MALRD1: variants seen among roughly 807,000 people sequenced by gnomAD.
MALRD1 encodes MAM and LDL receptor class A domain containing 1, also known as MAM and LDL-receptor class A domain-containing protein 1.
A neutral mutation model predicts 242.1 loss-of-function variants in MALRD1; 247 were observed. The ratio of observed to expected loss-of-function variants is 1.02; its 90% CI spans 0.92 to 1.13. The LOEUF (loss-of-function observed/expected upper bound fraction) is 1.13, where lower values mean the gene tolerates loss of function less well. MALRD1 is among the 50% of genes most tolerant of loss of function. The probability of loss-of-function intolerance (pLI) is 0.00; values close to 1 mark genes in which losing one functional copy is unlikely to be tolerated. For synonymous variants in MALRD1, 995 were observed against 866.6 expected, an observed-to-expected ratio of 1.15 and a Z score of -2.60; for missense variants, 2,989 against 2,533.1, an observed-to-expected ratio of 1.18 and a Z score of -3.86.
At chr10:19,408,670 G>T (rs996023141) in intron 28 of MALRD1, among the ~76,000 whole-genome samples, 1 of 152,092 alleles carries the variant, frequency 6.6e-6, no homozygotes, top group Non-Finnish European at 1.5e-5. Context: ...ACATGAAAAG[G>T]TTTTCAACAT....
chr10:19,544,074 T>C (rs947388038), intron 32 of MALRD1, among the ~76,000 whole-genome samples: 1 of 152,172 alleles, frequency 6.6e-6, no homozygotes, highest in Non-Finnish European at 1.5e-5. Flanking sequence ...ATCCAGTCTT[T>C]TTATATGTGT....
intron 28 of MALRD1, among the ~76,000 whole-genome samples, chr10:19,429,682 C>A (rs1834043880): frequency 6.6e-6 from 1 of 152,146 alleles, no homozygotes; most frequent in Non-Finnish European, 1.5e-5. Context: ...TCAGCCCTAT[C>A]CTAGATATTT....
At chr10:19,455,109 T>C (rs919485355) in intron 29 of MALRD1, among the ~76,000 whole-genome samples, 4 of 152,188 alleles carry the variant, frequency 2.6e-5, no homozygotes, top group Admixed American at 2.6e-4. Flanking sequence ...AGCTTATTCA[T>C]AGAAAAATAA....
At chr10:19,420,134 G>A (rs1833664588) in intron 28 of MALRD1, among the ~76,000 whole-genome samples, 2 of 152,324 alleles carry the variant, frequency 1.3e-5, no homozygotes, top group Non-Finnish European at 2.9e-5. Flanking sequence ...CCTGACACTC[G>A]TGGCCCCTGC....
intron 21 of MALRD1, among the ~76,000 whole-genome samples, chr10:19,319,645 G>A (rs1260277737): frequency 6.6e-6 from 1 of 152,028 alleles, no homozygotes; most frequent in Admixed American, 6.6e-5. Flanking sequence ...ATTGGTATCT[G>A]GTGAGGGCCT....
intron 5 of MALRD1, among the ~76,000 whole-genome samples, chr10:19,117,248 C>A (rs1055451358): frequency 6.6e-6 from 1 of 152,074 alleles, no homozygotes. Context: ...TATTAATTGA[C>A]AATTTATGCA....
intron 38 of MALRD1, among the ~76,000 whole-genome samples, chr10:19,714,000 C>G (rs1293036870): frequency 2.0e-5 from 3 of 152,090 alleles, no homozygotes; most frequent in Non-Finnish European, 4.4e-5. Context: ...TTGTGGGGAT[C>G]CGACCCCATG....
rs939780896 is a variant in MALRD1, at chr10:19,283,324, A to G, written c.3419+143A>G. ...TGAAAAGGAGGCTGTTTTCTTTCATACAAAATGGAAAAATTATCAATTAAA... is the reference window on the plus strand; with the variant it reads ...TGAAAAGGAGGCTGTTTTCTTTCATGCAAAATGGAAAAATTATCAATTAAA... On this transcript the variant is annotated intron_variant, in intron 21 of 39. Transcript: ENST00000454679. 25 of 661,972 alleles carry G rather than the reference A, an allele frequency of 3.8e-5. No homozygotes were observed. The African/African-American group carries it at 4.3e-4, about 11-fold the overall frequency. 41.0% of individuals were successfully genotyped at this position (661,972 alleles called of 1,614,324 possible).
chr10:19,505,330 G>A (rs1838157149), intron 31 of MALRD1, among the ~76,000 whole-genome samples: 1 of 152,126 alleles, frequency 6.6e-6, no homozygotes, highest in Admixed American at 6.5e-5. Context: ...TGGAGATACG[G>A]TCTTTAAGTA....
chr10:19,717,122 C>T (rs1055293729), intron 38 of MALRD1, among the ~76,000 whole-genome samples: 1 of 152,064 alleles, frequency 6.6e-6, no homozygotes, highest in African/African-American at 2.4e-5. Context: ...GCCAAATGCC[C>T]TAGTGTAAAG....
At chr10:19,625,396 A>T (rs1442721534) in intron 36 of MALRD1, among the ~76,000 whole-genome samples, 2 of 151,946 alleles carry the variant, frequency 1.3e-5, no homozygotes, top group Non-Finnish European at 2.9e-5. Flanking sequence ...ACGCTTCCCC[A>T]CCTTGACTAA....
At chr10:19,125,286 TTTCTTTCC>T (rs59761832) in intron 7 of MALRD1, among the ~76,000 whole-genome samples, 3,573 of 110,282 alleles carry the variant, frequency 0.032, 218 homozygotes, top group African/African-American at 0.061. Context: ...TCTTTCTTTC[TTTCTTTCC>T]TTCCTTCCTT....
intron 2 of MALRD1, among the ~76,000 whole-genome samples, chr10:19,068,407 C>T (rs561778296): frequency 1.4e-4 from 21 of 151,994 alleles, no homozygotes; most frequent in Middle Eastern, 3.4e-3. Context: ...TACCATAGAA[C>T]GATGTCATCT....
At chr10:19,509,208 C>G (rs61841370) in intron 31 of MALRD1, among the ~76,000 whole-genome samples, 14,696 of 152,046 alleles carry the variant, frequency 0.097, 733 homozygotes, top group South Asian at 0.11. Flanking sequence ...ATGAATTGGG[C>G]AATACTCAGA....
At chr10:19,649,443 G>T (rs749282636) in intron 36 of MALRD1, among the ~76,000 whole-genome samples, 1 of 152,188 alleles carries the variant, frequency 6.6e-6, no homozygotes, top group African/African-American at 2.4e-5. Flanking sequence ...ACAGGTGTGA[G>T]ATGGTATCTC....
rs148621000 is a variant in MALRD1, at chr10:19,604,388, T to C, written c.5945-3389T>C. ...TGCAATGGGTTCATTATTTGACACA[T>C]TCCCTCTGCTCCAGCCTAATCTATG... On this transcript the variant is annotated intron_variant, in intron 34 of 39. Coordinates refer to ENST00000454679, the MANE Select transcript of MALRD1 (RefSeq NM_001142308.3). Among the ~76,000 whole-genome samples the C allele has an allele frequency of 2.1e-3, 322 of 152,302 alleles. 1 individual carries two copies. Among genetic ancestry groups the C allele is most frequent in the African/African-American group, 7.4e-3 (306 of 41,590 alleles).
In MALRD1 at chr10:19,303,736, G is replaced by A. The variant is rs753421393; in HGVS notation, c.3420-20213G>A. Among the ~76,000 whole-genome samples the A allele has an allele frequency of 2.0e-5, 3 of 151,734 alleles. No individual in the cohort carries two copies. The South Asian group carries it at 6.2e-4, about 32-fold the overall frequency. On this transcript the variant is annotated intron_variant, in intron 21 of 39. Transcript: ENST00000454679. ...ATCAATATAAAGTTGAGATATTTAT[G>A]TCTTTTTTAAAATAATCTTCAAAAT...
chr10:19,281,004 A>C (rs1488978746), intron 20 of MALRD1, among the ~76,000 whole-genome samples: 1 of 152,250 alleles, frequency 6.6e-6, no homozygotes, highest in African/African-American at 2.4e-5. Context: ...CAGAGAGAGT[A>C]GTGAAACCCT....
chr10:19,315,734 T>C (rs1366408805), intron 21 of MALRD1, among the ~76,000 whole-genome samples: 1 of 139,108 alleles, frequency 7.2e-6, no homozygotes, highest in African/African-American at 2.6e-5. Flanking sequence ...ATTATAATGT[T>C]ATATAATATA....
Sources: allele counts gnomAD v4.1 joint callset (sites outside exome capture counted in the v4.1 genomes callset), GRCh38; gene constraint gnomAD v4.1.1; transcripts MANE v1.5; gene names NCBI Gene and HGNC (gene_info 2026-07-23, HGNC 2026-07-21).